WWOX: variants seen among roughly 807,000 people sequenced by gnomAD.
WWOX encodes WW domain-containing oxidoreductase.
In WWOX, 69 loss-of-function variants were observed where a neutral mutation model predicts 46.2. The ratio of observed to expected loss-of-function variants is 1.49; its 90% CI spans 1.23 to 1.82. WWOX has a LOEUF of 1.82. WWOX is among the 40% of genes most tolerant of loss of function. The pLI is 0.00. For synonymous variants in WWOX, 359 were observed against 202.6 expected (o/e 1.77, Z -6.56); for missense variants, 919 against 542.6 (o/e 1.69, Z -6.89).
At chr16:78,551,927 C>G (rs985274334) in intron 8 of WWOX, 2 of 152,248 alleles carry the variant, frequency 1.3e-5, no homozygotes, top group African/African-American at 4.8e-5. Flanking sequence ...ACCACCCCCT[C>G]TTACCTGTGG....
chr16:78,795,796 T>G (rs1038547664), intron 8 of WWOX, among the ~76,000 whole-genome samples: 1 of 152,126 alleles, frequency 6.6e-6, no homozygotes, highest in African/African-American at 2.4e-5. Flanking sequence ...TCCTTGAGGA[T>G]GGAATGAGAT....
At chr16:78,221,670 G>A (rs748549752) in intron 5 of WWOX, among the ~76,000 whole-genome samples, 11 of 152,284 alleles carry the variant, frequency 7.2e-5, no homozygotes, top group Non-Finnish European at 1.3e-4. Context: ...GCTAATTAAT[G>A]ACCCAAGAGC....
At chr16:78,652,882 G>T (rs1292541582) in intron 8 of WWOX, among the ~76,000 whole-genome samples, 1 of 152,162 alleles carries the variant, frequency 6.6e-6, no homozygotes, top group Middle Eastern at 3.4e-3. Flanking sequence ...ACTCCCCCTT[G>T]CCCATCACAG....
intron 5 of WWOX, among the ~76,000 whole-genome samples, chr16:78,364,874 T>C (rs2081498766): frequency 6.6e-6 from 1 of 152,194 alleles, no homozygotes; most frequent in South Asian, 2.1e-4. Flanking sequence ...TTTGGCCTTT[T>C]TCTGATTTTT....
At position 78,425,602 on chromosome 16, in the gene WWOX, T is replaced by C. The variant is rs1366021908; in HGVS notation, c.791+547T>C. Among the ~76,000 whole-genome samples the C allele has an allele frequency of 2.0e-5, 3 of 152,350 alleles. No homozygotes were observed. The East Asian group carries it at 5.8e-4, about 29-fold the overall frequency. ...AAAACATCAGATGGCACTTTTTTCC[T>C]ATTGCCATTAGGAGAATATTCAATT... On this transcript the variant is annotated intron_variant, in intron 7 of 8. Transcript: ENST00000566780.
chr16:78,832,382 C>G (rs1325748023), intron 8 of WWOX, among the ~76,000 whole-genome samples: 1 of 152,150 alleles, frequency 6.6e-6, no homozygotes, highest in African/African-American at 2.4e-5. Flanking sequence ...AGACATCATG[C>G]ACTGTCAAGC....
intron 8 of WWOX, among the ~76,000 whole-genome samples, chr16:78,883,069 A>G (rs1435487851): frequency 6.6e-6 from 1 of 152,182 alleles, no homozygotes; most frequent in Admixed American, 6.5e-5. Context: ...TTCGCCTTTC[A>G]TTTGAGTGGG....
chr16:78,648,492 A>G (rs1597392755), intron 8 of WWOX, among the ~76,000 whole-genome samples: 1 of 152,228 alleles, frequency 6.6e-6, no homozygotes. Flanking sequence ...CAATGGCCAG[A>G]CCATATTTTG....
intron 8 of WWOX, among the ~76,000 whole-genome samples, chr16:78,624,341 A>G (rs542061456): frequency 6.6e-6 from 1 of 152,088 alleles, no homozygotes; most frequent in East Asian, 1.9e-4. Flanking sequence ...TGCTAACCAA[A>G]CCCTAAATAA....
intron 8 of WWOX, among the ~76,000 whole-genome samples, chr16:78,460,073 C>T (rs927761975): frequency 4.6e-5 from 7 of 152,092 alleles, no homozygotes; most frequent in Non-Finnish European, 1.0e-4. Context: ...TCCCAAAGTG[C>T]TGGGATTACA....
intron 4 of WWOX, among the ~76,000 whole-genome samples, chr16:78,150,410 G>C (rs938664880): frequency 6.6e-6 from 1 of 151,672 alleles, no homozygotes; most frequent in Non-Finnish European, 1.5e-5. Context: ...TCGCTCTGTT[G>C]CCCAGGCTGC....
At chr16:79,024,179 T>C (rs1398438291) in intron 8 of WWOX, among the ~76,000 whole-genome samples, 2 of 152,206 alleles carry the variant, frequency 1.3e-5, no homozygotes, top group African/African-American at 4.8e-5. Context: ...TTAGATCGTG[T>C]TGATGGTTGT....
intron 8 of WWOX, among the ~76,000 whole-genome samples, chr16:79,124,513 G>C (rs2049709128): frequency 6.6e-6 from 1 of 152,182 alleles, no homozygotes; most frequent in Non-Finnish European, 1.5e-5. Context: ...TGTCACGTTA[G>C]GACTGAGTTC....
intron 8 of WWOX, among the ~76,000 whole-genome samples, chr16:78,868,271 G>A (rs535834512): frequency 1.1e-4 from 17 of 152,156 alleles, no homozygotes; most frequent in East Asian, 5.8e-4. Flanking sequence ...GAAGGAAGCC[G>A]GTCATAAAAG....
intron 8 of WWOX, among the ~76,000 whole-genome samples, chr16:78,971,781 C>T (rs1310348191): frequency 3.3e-5 from 5 of 150,224 alleles, no homozygotes; most frequent in Non-Finnish European, 7.4e-5. Flanking sequence ...CAAACTTTAC[C>T]TGAGGATTTT....
At chr16:78,818,786 C>G (rs569949060) in intron 8 of WWOX, among the ~76,000 whole-genome samples, 4 of 152,192 alleles carry the variant, frequency 2.6e-5, no homozygotes, top group Non-Finnish European at 5.9e-5. Context: ...TTCGTCTTTT[C>G]TGAATTGGAG....
intron 3 of WWOX, among the ~76,000 whole-genome samples, chr16:78,111,470 C>G (rs1349608953): frequency 6.6e-6 from 1 of 152,288 alleles, no homozygotes; most frequent in East Asian, 1.9e-4. Flanking sequence ...AGAGGTGAGC[C>G]TTCTGTCACA....
intron 8 of WWOX, among the ~76,000 whole-genome samples, chr16:78,665,472 T>G (rs1281310502): frequency 6.6e-6 from 1 of 152,194 alleles, no homozygotes; most frequent in Non-Finnish European, 1.5e-5. Context: ...ACATGTGATT[T>G]GCTGTGGCGA....
chr16:79,085,292 T>C (rs1253313401), intron 8 of WWOX, among the ~76,000 whole-genome samples: 1 of 152,180 alleles, frequency 6.6e-6, no homozygotes, highest in Non-Finnish European at 1.5e-5. Context: ...TTCCCAATGA[T>C]GAAGGAGCTA....
Sources: allele counts gnomAD v4.1 joint callset (sites outside exome capture counted in the v4.1 genomes callset), GRCh38; gene constraint gnomAD v4.1.1; transcripts MANE v1.5; gene names NCBI Gene and HGNC (gene_info 2026-07-23, HGNC 2026-07-21).